TARS2: variants seen among roughly 807,000 people sequenced by gnomAD.
TARS2 encodes the protein threonyl-tRNA synthetase 2, mitochondrial.
A neutral mutation model predicts 94.4 loss-of-function variants in TARS2; 61 were observed. The ratio of observed to expected loss-of-function variants is 0.65; its 90% confidence interval spans 0.53 to 0.80. The LOEUF (loss-of-function observed/expected upper bound fraction) is 0.80, where lower values mean the gene tolerates loss of function less well. Among genes scored for constraint, TARS2 ranks in the 30% least tolerant of loss-of-function variants. The pLI is 0.00. For missense variants in TARS2, 704 were observed against 902.5 expected, an observed-to-expected ratio of 0.78 and a Z score of 2.82; for synonymous variants, 359 against 353.4, an observed-to-expected ratio of 1.02 and a Z score of -0.18.
chr1:150,494,240 G>C (rs1283840178), intron 7 of TARS2, among the ~76,000 whole-genome samples: 1 of 151,454 alleles, frequency 6.6e-6, no homozygotes, highest in African/African-American at 2.4e-5. Flanking sequence ...GCTGGCCTAC[G>C]CCTGTAATCC....
chr1:150,505,519 A>G (rs587737115), intron 16 of TARS2, 72 bp from the exon 17 acceptor site: 1 of 1,348,982 alleles, frequency 7.4e-7, no homozygotes, highest in East Asian at 2.3e-5. Flanking sequence ...ATTGAGGGAA[A>G]AGAGCATCAG....
At chr1:150,503,688 T>C in intron 13 of TARS2, among the ~76,000 whole-genome samples, 1 of 149,004 alleles carries the variant, frequency 6.7e-6, no homozygotes, top group Non-Finnish European at 1.5e-5. Context: ...TATATGTGTA[T>C]ATATATGTGT....
intron 4 of TARS2, 134 bp from the exon 5 acceptor site, chr1:150,491,260 G>A: frequency 1.3e-6 from 1 of 794,156 alleles, no homozygotes; most frequent in Middle Eastern, 3.8e-4. Flanking sequence ...TATTTTCTCT[G>A]AGTTTGTCTG....
chr1:150,499,339 T>G (rs1413943522), intron 13 of TARS2, 46 bp downstream of exon 13: 1 of 1,576,146 alleles, frequency 6.3e-7, no homozygotes, highest in East Asian at 2.2e-5. Flanking sequence ...TATTTTTTGC[T>G]TTGTTTTAGT....
chr1:150,503,693 A>ATG (rs1246236195), intron 13 of TARS2, among the ~76,000 whole-genome samples: 3 of 147,968 alleles, frequency 2.0e-5, no homozygotes, highest in Admixed American at 6.8e-5. Flanking sequence ...GTGTATATAT[A>ATG]TGTGTGTGTA....
At chr1:150,500,942 C>G (rs761962373) in intron 13 of TARS2, among the ~76,000 whole-genome samples, 1 of 152,074 alleles carries the variant, frequency 6.6e-6, no homozygotes, top group African/African-American at 2.4e-5. Context: ...GATTGAGAAG[C>G]CTTCATAGAA....
intron 4 of TARS2, 87 bp from the exon 5 acceptor site, chr1:150,491,307 G>T: frequency 7.6e-7 from 1 of 1,314,500 alleles, no homozygotes; most frequent in Non-Finnish European, 1.1e-6. Context: ...TTGAAGGACA[G>T]GACCTTACCC....
rs1425721685 is a variant in TARS2, at chr1:150,496,883, A to G, written c.995A>G (p.Tyr332Cys). The G allele has an allele frequency of 2.2e-5, 36 of 1,614,130 alleles. No homozygotes were observed. The highest frequency in any genetic ancestry group is 3.0e-5 in the Non-Finnish European group (35 of 1,179,998). ...CFFLPRGTRV[Y>C]NALVAFIRAE... The stretch of plus-strand genomic sequence containing the variant: ...TTCCTGCCACGAGGGACAAGGGTGT[A>G]TAATGCACTAGTGGCGTTTATCAGG... The change falls in exon 9 of 18, where the codon TAT becomes TGT. Residue 332 changes from tyrosine to cysteine, a missense_variant. Tyr to Cys is a radical substitution (Grantham distance 194, BLOSUM62 -2). This residue lies in a region of TARS2 where 466 missense variants were observed against 609.5 expected (regional missense o/e 0.76). Coordinates refer to ENST00000369064, the MANE Select transcript of TARS2 (RefSeq NM_025150.5).
chr1:150,496,607 G>C lies in TARS2; in HGVS notation c.900G>C (p.Arg300=), dbSNP rs775382225. ...CATGGAGGGAGGAAGCAGAATTGCGGGACCACCGGCGCATTGGGAAGGTAC... is the reference window on the plus strand; with the variant it reads ...CATGGAGGGAGGAAGCAGAATTGCGCGACCACCGGCGCATTGGGAAGGTAC... The part of the protein sequence containing the change: ...WEAWREEAEL[R]DHRRIGKEQE... The change falls in exon 8 of 18, where the codon CGG becomes CGC. Residue 300 remains arginine (R), a synonymous_variant. Coordinates refer to ENST00000369064, the MANE Select transcript of TARS2 (RefSeq NM_025150.5). 217 of 1,613,616 alleles carry C rather than the reference G, an allele frequency of 1.3e-4. 2 individuals are homozygous for C. The South Asian group carries it at 1.9e-3, about 14-fold the overall frequency.
At position 150,499,372 on chromosome 1, in the gene TARS2, A is replaced by AT. The variant is rs34802685; in HGVS notation, c.1617+90dup. On this transcript the variant is annotated intron_variant, in intron 13 of 17. Transcript: ENST00000369064. ...AGTAAATATTTAATAGATACAAAGA[A>AT]TTTTTTTTTTTGAGACAGTCTCACT... 0.48 allele frequency: 543,692 copies of AT among 1,126,624 alleles called. 82,563 individuals carry two copies. The highest frequency in any genetic ancestry group is 0.54 in the African/African-American group (33,491 of 61,938). The allele number at this position is 1,126,624 out of a possible 1,614,324, so 69.8% of individuals were successfully genotyped here.
rs373434114 is a variant in TARS2, at chr1:150,492,406, C to T, written c.696-5C>T. The T allele has an allele frequency of 8.6e-5, 138 of 1,613,870 alleles. No homozygotes were observed. The highest frequency in any genetic ancestry group is 1.1e-4 in the Non-Finnish European group (131 of 1,179,922). On this transcript the variant is annotated splice_polypyrimidine_tract_variant and splice_region_variant and intron_variant, in intron 6 of 17. Coordinates refer to ENST00000369064, the MANE Select transcript of TARS2 (RefSeq NM_025150.5). ...AATCACTAACTGGCCTCTTCTTTCT[C>T]CTAGGTGTGGCACATTGGTTGACCT...
rs145751121 is a variant in TARS2 at position 150,498,967 on chromosome 1, G to A, written c.1472G>A (p.Arg491His). 318 of 1,614,084 alleles carry A rather than the reference G, an allele frequency of 2.0e-4. 2 individuals are homozygous for A. The East Asian group carries it at 3.4e-3, about 17-fold the overall frequency. Reference sequence around the variant, plus strand: ...TATGCCGTTCTTGGCTTCTCCTTCCGCCTGGCACTGTCCACCCGGCCATCT... The same window carrying A: ...TATGCCGTTCTTGGCTTCTCCTTCCACCTGGCACTGTCCACCCGGCCATCT... The part of the protein sequence containing the change: ...SVYAVLGFSF[R>H]LALSTRPSGF... The change falls in exon 12 of 18, where the codon CGC becomes CAC. Residue 491 changes from arginine (R) to histidine (H), a missense_variant. Around this residue, in one of 3 missense-constraint regions of TARS2, gnomAD observed 466 missense variants for 609.5 expected, o/e 0.76. Transcript: ENST00000369064.
intron 7 of TARS2, among the ~76,000 whole-genome samples, chr1:150,494,383 A>C (rs1263767396): frequency 2.2e-5 from 2 of 92,728 alleles, no homozygotes; most frequent in Non-Finnish European, 4.8e-5. Flanking sequence ...AAAAAAAAAA[A>C]AAAAAAAAGA....
At chr1:150,496,931 G>C (rs1669689748) in intron 9 of TARS2, 23 bp downstream of exon 9, 1 of 1,609,242 alleles carries the variant, frequency 6.2e-7, no homozygotes, top group African/African-American at 1.3e-5. Context: ...AGGTCTAGAG[G>C]AAAGAAGACC....
At chr1:150,495,708 TTTTGTTTG>T (rs895888605) in intron 7 of TARS2, among the ~76,000 whole-genome samples, 2 of 136,770 alleles carry the variant, frequency 1.5e-5, no homozygotes, top group East Asian at 4.7e-4. Context: ...ATTAGTACTT[TTTTGTTTG>T]TTTGTTTGTT....
At chr1:150,500,709 C>G (rs922355118) in intron 13 of TARS2, among the ~76,000 whole-genome samples, 2 of 151,894 alleles carry the variant, frequency 1.3e-5, no homozygotes, top group African/African-American at 4.8e-5. Context: ...ACTAAAAATA[C>G]AAAAATTAGC....
intron 17 of TARS2, 44 bp downstream of exon 17, chr1:150,505,749 C>A: frequency 6.4e-7 from 1 of 1,563,364 alleles, no homozygotes. Flanking sequence ...CTGCCGTCTG[C>A]ATTCTTGCTG....
chr1:150,501,318 TTTTTTTTTTTTTTTA>T (rs1348464179), intron 13 of TARS2, among the ~76,000 whole-genome samples: 2 of 107,142 alleles, frequency 1.9e-5, no homozygotes, highest in South Asian at 3.2e-4. Context: ...TTTTTTTTTT[TTTTTTTTTTTTTTTA>T]TTGAGACTAT....
Position 150,489,383 on chromosome 1 carries a change from A to G in TARS2, c.387+296A>G, listed in dbSNP as rs1241518050. ...CTCAACTCTTGAGCACGTACATTATAAGTCATCTGTAGTGTATATTCAATT... is the reference window on the plus strand; with the variant it reads ...CTCAACTCTTGAGCACGTACATTATGAGTCATCTGTAGTGTATATTCAATT... On this transcript the variant is annotated intron_variant, in intron 3 of 17. Coordinates refer to ENST00000369064, the MANE Select transcript of TARS2 (RefSeq NM_025150.5). 1.0e-5 allele frequency: 4 copies of G among 390,130 alleles called. No individual in the cohort carries two copies. In the Admixed American group the frequency reaches 1.5e-4, roughly 14 times the overall value. 24.2% of individuals were successfully genotyped at this position (390,130 alleles called of 1,614,324 possible). A position where few individuals can be genotyped will look rare whatever the true frequency, so the allele number is the denominator to read the frequency against.
Sources: gnomAD v4.1 joint callset for allele counts (sites outside exome capture counted in the v4.1 genomes callset) on GRCh38, gnomAD v4.1.1 for gene constraint, gnomAD v4.1.1 regional missense constraint, MANE v1.5 for transcripts, NCBI Gene and HGNC (gene_info 2026-07-23, HGNC 2026-07-21) for gene names.